SRGAP2C: variants seen among roughly 807,000 people sequenced by gnomAD.
The protein encoded by SRGAP2C is SLIT-ROBO Rho GTPase-activating protein 2C.
Under a neutral mutation model 25.1 loss-of-function variants are expected in SRGAP2C, and 15 were observed. The ratio of observed to expected loss-of-function variants is 0.60; its 90% CI spans 0.40 to 0.92. SRGAP2C has a LOEUF of 0.92. Ranked by LOEUF, SRGAP2C falls within the 40% of genes least tolerant of loss-of-function variation. The pLI is 0.00. For missense variants in SRGAP2C, 144 were observed against 264.4 expected, an observed-to-expected ratio of 0.54 and a Z score of 3.16; for synonymous variants, 44 against 96.6, an observed-to-expected ratio of 0.46 and a Z score of 3.19.
chr1:121,268,456 T>C (rs1656860168), intron 2 of SRGAP2C, among the ~76,000 whole-genome samples: 1 of 151,378 alleles, frequency 6.6e-6, no homozygotes, highest in Non-Finnish European at 1.5e-5. Flanking sequence ...TGAAAGATGA[T>C]GAGCAGGGCT....
intron 2 of SRGAP2C, among the ~76,000 whole-genome samples, chr1:121,258,229 C>T (rs1656526618): frequency 6.6e-6 from 1 of 151,454 alleles, no homozygotes; most frequent in Admixed American, 6.6e-5. Context: ...GAGAAATAAA[C>T]CTACCTCTCT....
At chr1:121,377,937 C>A (rs587657263) in intron 7 of SRGAP2C, among the ~76,000 whole-genome samples, 1 of 152,064 alleles carries the variant, frequency 6.6e-6, no homozygotes, top group South Asian at 2.1e-4. Flanking sequence ...ACTTGTACAT[C>A]CTATGGGGAA....
chr1:121,268,479 G>A (rs1321364693), intron 2 of SRGAP2C, among the ~76,000 whole-genome samples: 9 of 151,306 alleles, frequency 5.9e-5, no homozygotes, highest in African/African-American at 2.2e-4. Context: ...AGTGTGGAGA[G>A]TAGACTGCAG....
chr1:121,380,531 C>T (rs1385710240), intron 7 of SRGAP2C, among the ~76,000 whole-genome samples: 12 of 151,314 alleles, frequency 7.9e-5, no homozygotes, highest in Non-Finnish European at 1.5e-5. Context: ...GCTATTGAAC[C>T]TTGCTCAAAT....
intron 4 of SRGAP2C, among the ~76,000 whole-genome samples, chr1:121,357,679 T>C (rs372576006): frequency 6.2e-4 from 56 of 90,826 alleles, no homozygotes; most frequent in East Asian, 4.9e-3. Context: ...ACAGAGCCCA[T>C]TGGAGGAATT....
chr1:121,304,140 G>A (rs1221782720), intron 3 of SRGAP2C, among the ~76,000 whole-genome samples: 1 of 149,788 alleles, frequency 6.7e-6, no homozygotes, highest in Non-Finnish European at 1.5e-5. Flanking sequence ...GAACCCGGGA[G>A]GTGGAGCTTG....
At chr1:121,293,707 T>C (rs1657537110) in intron 3 of SRGAP2C, among the ~76,000 whole-genome samples, 1 of 150,504 alleles carries the variant, frequency 6.6e-6, no homozygotes, top group African/African-American at 2.4e-5. Context: ...CCAGAATAGT[T>C]CATTCTCTGC....
chr1:121,195,503 T>C (rs1654810117), intron 2 of SRGAP2C, among the ~76,000 whole-genome samples: 2 of 151,026 alleles, frequency 1.3e-5, no homozygotes, highest in Admixed American at 1.3e-4. Flanking sequence ...ATAAGCCAGA[T>C]GTCAAGGAGA....
rs1259849333 is a variant in SRGAP2C, at chr1:121,370,353, G to T, written c.487-3618G>T. ...TGAACCTTGTATCCCCTAGTCCATG[G>T]ACCCTCTCTAACAGAATAAACCTCT... On this transcript the variant is annotated intron_variant, in intron 5 of 9. Coordinates refer to ENST00000367123, the MANE Select transcript of SRGAP2C (RefSeq NM_001329984.2). Among the ~76,000 whole-genome samples the T allele has an allele frequency of 2.1e-5, 3 of 143,474 alleles. No homozygotes were observed. The Admixed American group carries it at 2.1e-4, about 10-fold the overall frequency. 94.1% of individuals were successfully genotyped at this position (143,474 alleles called of 152,430 possible). A position where few individuals can be genotyped will look rare whatever the true frequency, so the allele number is the denominator to read the frequency against.
intron 3 of SRGAP2C, among the ~76,000 whole-genome samples, chr1:121,320,869 G>A (rs1420707059): frequency 2.6e-5 from 4 of 152,016 alleles, no homozygotes; most frequent in East Asian, 1.9e-4. Flanking sequence ...ATGATATTAA[G>A]CATGTTGATT....
chr1:121,287,983 C>T (rs1657411888), intron 3 of SRGAP2C, among the ~76,000 whole-genome samples: 1 of 149,878 alleles, frequency 6.7e-6, no homozygotes, highest in Non-Finnish European at 1.5e-5. Flanking sequence ...AAAAAGTGAG[C>T]ACTAGCAAGA....
chr1:121,286,838 A>C (rs1227855823), intron 3 of SRGAP2C, among the ~76,000 whole-genome samples: 1 of 150,340 alleles, frequency 6.7e-6, no homozygotes, highest in African/African-American at 2.4e-5. Flanking sequence ...CAAACAGAAC[A>C]TTCACTCCAG....
At chr1:121,321,110 A>G in intron 3 of SRGAP2C, among the ~76,000 whole-genome samples, 3 of 147,256 alleles carry the variant, frequency 2.0e-5, no homozygotes, top group Non-Finnish European at 4.5e-5. Context: ...TCTTTCTTCC[A>G]GGGTTTACAT....
chr1:121,378,861 C>T (rs1174266861), intron 7 of SRGAP2C, among the ~76,000 whole-genome samples: 1 of 152,194 alleles, frequency 6.6e-6, no homozygotes, highest in Non-Finnish European at 1.5e-5. Flanking sequence ...TAGTATAGTA[C>T]AAGATTTAAA....
intron 2 of SRGAP2C, among the ~76,000 whole-genome samples, chr1:121,229,039 A>G (rs1553327086): frequency 6.7e-6 from 1 of 148,364 alleles, no homozygotes; most frequent in Non-Finnish European, 1.5e-5. Context: ...TCTCCTTCAC[A>G]TTGAGGGGAG....
At chr1:121,270,749 G>A (rs1656927744) in intron 2 of SRGAP2C, among the ~76,000 whole-genome samples, 1 of 141,740 alleles carries the variant, frequency 7.1e-6, no homozygotes, top group Admixed American at 7.0e-5. Context: ...AACAATAGCA[G>A]ATATAATTTA....
chr1:121,378,666 T>C lies in SRGAP2C; in HGVS notation c.831+3712T>C, dbSNP rs146128221. 2.1e-3 allele frequency among the ~76,000 whole-genome samples: 319 copies of C among 152,190 alleles called. 1 individual carries two copies. Among genetic ancestry groups the C allele is most frequent in the African/African-American group, 7.4e-3 (307 of 41,484 alleles). On this transcript the variant is annotated intron_variant, in intron 7 of 9. Transcript: ENST00000367123. ...TCCTGATCTTAACATTATTCATTAC[T>C]TGCTTTAAGACACGGGATGAATCCT...
At chr1:121,310,707 T>C (rs1441185509) in intron 3 of SRGAP2C, among the ~76,000 whole-genome samples, 1 of 90,420 alleles carries the variant, frequency 1.1e-5, no homozygotes, top group Non-Finnish European at 2.4e-5. Flanking sequence ...CTTGTTTTTC[T>C]CAGGTTTGTC....
chr1:121,383,482 A>C (rs1374467871), intron 8 of SRGAP2C, among the ~76,000 whole-genome samples: 1 of 149,582 alleles, frequency 6.7e-6, no homozygotes, highest in African/African-American at 2.5e-5. Flanking sequence ...TGAAGTGTAT[A>C]GTTTTGTTTG....
Sources: allele counts gnomAD v4.1 joint callset (sites outside exome capture counted in the v4.1 genomes callset), GRCh38; gene constraint gnomAD v4.1.1; transcripts MANE v1.5; gene names NCBI Gene and HGNC (gene_info 2026-07-23, HGNC 2026-07-21).